Variants in UBE3D observed in about 807,000 individuals in gnomAD.
The protein encoded by UBE3D is E3 ubiquitin-protein ligase E3D.
In UBE3D, 48 loss-of-function variants were observed where a neutral mutation model predicts 49.6. The observed-to-expected ratio is 0.97, with a 90% CI of 0.77 to 1.23. UBE3D has a LOEUF of 1.23. UBE3D is among the 50% of genes most tolerant of loss of function. UBE3D has a pLI of 0.00. For synonymous variants in UBE3D, 189 were observed against 174.2 expected (o/e 1.08, Z -0.67); for missense variants, 452 against 468.4 (o/e 0.96, Z 0.32).
chr6:82,988,666 G>A (rs1778688106), intron 8 of UBE3D, among the ~76,000 whole-genome samples: 1 of 152,128 alleles, frequency 6.6e-6, no homozygotes, highest in African/African-American at 2.4e-5. Flanking sequence ...TATACTGCAT[G>A]CATGAAAGAC....
intron 4 of UBE3D, 150 bp downstream of exon 4, chr6:83,044,278 G>A (rs1782870512): frequency 4.1e-6 from 3 of 731,056 alleles, no homozygotes; most frequent in Non-Finnish European, 4.4e-6. Context: ...TTCCTGTTTT[G>A]ATAAAGCAAC....
intron 8 of UBE3D, among the ~76,000 whole-genome samples, chr6:83,003,994 C>G (rs1170898225): frequency 6.6e-6 from 1 of 152,144 alleles, no homozygotes; most frequent in East Asian, 1.9e-4. Context: ...TCCATAGGCA[C>G]CTAACTACTT....
At chr6:82,956,016 G>C (rs554039748) in intron 9 of UBE3D, among the ~76,000 whole-genome samples, 1 of 152,124 alleles carries the variant, frequency 6.6e-6, no homozygotes, top group Non-Finnish European at 1.5e-5. Flanking sequence ...AGAGCATCAC[G>C]GAGACAATCC....
At chr6:82,996,148 G>C (rs1013832399) in intron 8 of UBE3D, among the ~76,000 whole-genome samples, 2 of 152,076 alleles carry the variant, frequency 1.3e-5, no homozygotes, top group African/African-American at 4.8e-5. Context: ...GCTGATTCTA[G>C]GGCTGGGGCT....
chr6:83,012,756 G>C (rs983171833), intron 8 of UBE3D, among the ~76,000 whole-genome samples: 2 of 152,146 alleles, frequency 1.3e-5, no homozygotes, highest in Non-Finnish European at 2.9e-5. Flanking sequence ...TACAGCCCAT[G>C]CATCAGTATA....
chr6:83,034,131 G>A (rs957109612), intron 5 of UBE3D, among the ~76,000 whole-genome samples: 1 of 152,224 alleles, frequency 6.6e-6, no homozygotes, highest in East Asian at 1.9e-4. Flanking sequence ...GTTTTCTACA[G>A]AATAAAATTG....
chr6:82,926,319 TAA>T (rs200888321), intron 9 of UBE3D, among the ~76,000 whole-genome samples: 2,276 of 152,254 alleles, frequency 0.015, 28 homozygotes, highest in Middle Eastern at 0.031. Context: ...TAGTACTGAG[TAA>T]TATTCCATTG....
chr6:82,990,645 TCTTATGTTCACC>T (rs1163946921), intron 8 of UBE3D, among the ~76,000 whole-genome samples: 1 of 152,148 alleles, frequency 6.6e-6, no homozygotes, highest in Non-Finnish European at 1.5e-5. Flanking sequence ...AGATAGCTAC[TCTTATGTTCACC>T]CTATCTTATG....
intron 9 of UBE3D, among the ~76,000 whole-genome samples, chr6:82,956,275 G>A (rs1349709537): frequency 6.6e-6 from 1 of 152,122 alleles, no homozygotes; most frequent in Non-Finnish European, 1.5e-5. Context: ...CCGAGGGCTC[G>A]TATTTTCCCA....
At chr6:83,056,044 A>G (rs1281740749) in intron 2 of UBE3D, among the ~76,000 whole-genome samples, 1 of 152,252 alleles carries the variant, frequency 6.6e-6, no homozygotes, top group Non-Finnish European at 1.5e-5. Context: ...AAAATATATT[A>G]AAAGTGTAAA....
intron 5 of UBE3D, among the ~76,000 whole-genome samples, chr6:83,028,606 G>C (rs1002752456): frequency 1.3e-5 from 2 of 152,118 alleles, no homozygotes; most frequent in Non-Finnish European, 2.9e-5. Context: ...TCTAATTTTA[G>C]AGAATGGGCA....
rs769869795 is a variant in UBE3D at position 82,893,006 on chromosome 6, T to A, written c.*16A>T. On this transcript the variant is annotated 3_prime_UTR_variant, in exon 10 of 10. Coordinates refer to ENST00000369747, the MANE Select transcript of UBE3D (RefSeq NM_198920.3). ...AGAGCTGTCTGCCGGGGGAGGAGAA[T>A]GCCCAGCTCTAATAGTTACATCTTC... 3.7e-5 allele frequency: 60 copies of A among 1,613,602 alleles called. No individual in the cohort carries two copies. Among genetic ancestry groups the A allele is most frequent in the Non-Finnish European group, 4.6e-5 (54 of 1,179,832 alleles).
intron 8 of UBE3D, among the ~76,000 whole-genome samples, chr6:82,994,275 C>CA (rs895686664): frequency 2.6e-5 from 4 of 151,794 alleles, no homozygotes; most frequent in Admixed American, 6.6e-5. Context: ...GAAATATTAC[C>CA]AAAAAAATAG....
intron 5 of UBE3D, among the ~76,000 whole-genome samples, chr6:83,025,182 T>C (rs1230925340): frequency 6.6e-6 from 1 of 152,206 alleles, no homozygotes; most frequent in Non-Finnish European, 1.5e-5. Flanking sequence ...CCAGTGCTCC[T>C]ACCTGAAAAG....
intron 8 of UBE3D, among the ~76,000 whole-genome samples, chr6:82,975,532 A>T (rs1416212983): frequency 6.6e-6 from 1 of 152,168 alleles, no homozygotes; most frequent in Non-Finnish European, 1.5e-5. Context: ...TGTTTCAAAT[A>T]GCTTACAAGA....
chr6:83,009,064 T>G (rs1280331716), intron 8 of UBE3D, among the ~76,000 whole-genome samples: 1 of 152,212 alleles, frequency 6.6e-6, no homozygotes, highest in African/African-American at 2.4e-5. Flanking sequence ...GTGTTAAGAA[T>G]GAGTGAAGTA....
rs768971374 is a variant in UBE3D, at chr6:83,024,011, ATC to A, written c.693_694del (p.Glu231AspfsTer7). The stretch of plus-strand genomic sequence containing the variant: ...ACTCCTCTCAGATGACTGAATAATT[ATC>A]TCTGTCATATAAAACTTGGTGGTTT... On this transcript the variant is annotated frameshift_variant, in exon 6 of 10. Transcript: ENST00000369747. LOFTEE classifies it high-confidence loss of function. 3.9e-5 allele frequency: 60 copies of A among 1,535,938 alleles called. No individual in the cohort carries two copies. Among genetic ancestry groups the A allele is most frequent in the Non-Finnish European group, 5.0e-5 (57 of 1,147,876 alleles).
At chr6:83,001,509 A>T (rs1214501101) in intron 8 of UBE3D, among the ~76,000 whole-genome samples, 1 of 152,158 alleles carries the variant, frequency 6.6e-6, no homozygotes, top group Non-Finnish European at 1.5e-5. Flanking sequence ...TAAATTTCCT[A>T]CAGCAGCCTT....
chr6:82,908,808 T>C (rs1772289965), intron 9 of UBE3D, among the ~76,000 whole-genome samples: 1 of 152,194 alleles, frequency 6.6e-6, no homozygotes, highest in African/African-American at 2.4e-5. Flanking sequence ...ACTCACGTAC[T>C]ATGCTACTCG....
Sources: gnomAD v4.1 joint callset for allele counts (sites outside exome capture counted in the v4.1 genomes callset) on GRCh38, gnomAD v4.1.1 for gene constraint, MANE v1.5 for transcripts, NCBI Gene and HGNC (gene_info 2026-07-23, HGNC 2026-07-21) for gene names.